SLC35E3: variants seen among roughly 807,000 people sequenced by gnomAD.
SLC35E3 encodes solute carrier family 35 member E3, also known as bladder cancer-overexpressed gene 1 protein.
Under a neutral mutation model 30.8 loss-of-function variants are expected in SLC35E3, and 28 were observed. That is an observed-to-expected ratio of 0.91 (90% CI 0.67 to 1.25). The LOEUF is 1.25. Among genes scored for constraint, SLC35E3 ranks in the 50% most tolerant of loss-of-function variants. SLC35E3 has a pLI of 0.00. For missense variants in SLC35E3, 365 were observed against 375.4 expected (o/e 0.97, Z 0.23); for synonymous variants, 146 against 149.2 (o/e 0.98, Z 0.16).
Position 68,764,789 on chromosome 12 carries a change from G to T in SLC35E3, c.841G>T (p.Ala281Ser). ...LFKDPLSINQ[A>S]LGILCTLFGI... ...TAAGGATCCACTGTCCATTAATCAG[G>T]CCCTTGGCATTTTATGTACATTATT... The change falls in exon 5 of 5, where the codon GCC (alanine) becomes TCC (serine). Residue 281 changes from alanine (A) to serine (S), a missense_variant. Ala to Ser is a moderately conservative substitution (Grantham distance 99, BLOSUM62 1). Coordinates refer to ENST00000398004, the MANE Select transcript of SLC35E3 (RefSeq NM_018656.5). The T allele has an allele frequency of 6.2e-7, 1 of 1,613,992 alleles. No homozygotes were observed. The highest frequency in any genetic ancestry group is 1.3e-5 in the African/African-American group (1 of 74,986).
At position 68,779,530 on chromosome 12, in the gene SLC35E3, A is replaced by C. The variant is rs1280115328; in HGVS notation, c.*14640A>C. ...TGACCCAAAATATGTGGCTGGAACC[A>C]GAAAGGATATAAGCATGGTTTGAGA... On this transcript the variant is annotated 3_prime_UTR_variant, in exon 5 of 5. Transcript: ENST00000398004. The C allele has an allele frequency of 6.6e-6, 1 of 152,210 alleles. No individual in the cohort carries two copies. The highest frequency in any genetic ancestry group is 1.5e-5 in the Non-Finnish European group (1 of 68,040). 9.4% of individuals were successfully genotyped at this position (152,210 alleles called of 1,614,324 possible). A position where few individuals can be genotyped will look rare whatever the true frequency, so the allele number is the denominator to read the frequency against.
Position 68,764,711 on chromosome 12 carries a change from A to G in SLC35E3, c.763A>G (p.Met255Val). The G allele has an allele frequency of 6.2e-7, 1 of 1,613,402 alleles. No homozygotes were observed. Among genetic ancestry groups the G allele is most frequent in the Non-Finnish European group, 8.5e-7 (1 of 1,179,654 alleles). Residue 255 changes from methionine (M) to valine (V), a missense_variant, in exon 5 of 5, where the codon ATG becomes GTG. Met to Val is a conservative substitution (Grantham distance 21, BLOSUM62 1). Transcript: ENST00000398004. ...CTTATCCAAAAACCTCAGCTATAAC[A>G]TGTTCGGACACTTCAAGTTCTGCAT... is the stretch of plus-strand genomic sequence containing the variant. Reference protein sequence around the residue: ...IGNTSPVTYNMFGHFKFCITL... With the variant: ...IGNTSPVTYNVFGHFKFCITL...
At position 68,769,984 on chromosome 12, in the gene SLC35E3, A is replaced by G. The variant is rs554026893; in HGVS notation, c.*5094A>G. On this transcript the variant is annotated 3_prime_UTR_variant, in exon 5 of 5. Coordinates refer to ENST00000398004, the MANE Select transcript of SLC35E3 (RefSeq NM_018656.5). The stretch of plus-strand genomic sequence containing the variant: ...AAACTCAATGAATGCTAAAGGGAAC[A>G]TCGTTCTGTGAGCACATAACAAAAG... 7.9e-5 allele frequency: 12 copies of G among 152,380 alleles called. No individual in the cohort carries two copies. The highest frequency in any genetic ancestry group is 2.9e-4 in the African/African-American group (12 of 41,588). The allele number at this position is 152,380 out of a possible 1,614,324, so 9.4% of individuals were successfully genotyped here.
rs576727698 is a variant in SLC35E3 at position 68,746,899 on chromosome 12, G to A, written c.402+120G>A. ...CTTGAAATCCACAAATGAGTCATCT[G>A]TGGGCATGTGAACTTTTAGGCTTAT... On this transcript the variant is annotated intron_variant, in intron 1 of 4. Transcript: ENST00000398004. 41 of 1,122,376 alleles carry A rather than the reference G, an allele frequency of 3.7e-5. No individual in the cohort carries two copies. The South Asian group carries it at 6.5e-4, about 18-fold the overall frequency. The allele number at this position is 1,122,376 out of a possible 1,614,324, so 69.5% of individuals were successfully genotyped here.
rs61743809 is a variant in SLC35E3, at chr12:68,746,441, C to T, written c.64C>T (p.Leu22=). The T allele has an allele frequency of 5.6e-4, 897 of 1,613,750 alleles. 3 individuals carry two copies. In the African/African-American group the frequency reaches 0.011, roughly 20 times the overall value. Residue 22 remains leucine, a synonymous_variant, in exon 1 of 5, where the codon CTG becomes TTG. Transcript: ENST00000398004. ...AATCGCCGCCGGGCTCCTGTTCAAC[C>T]TGCTGGTGTCCATCTGCATTGTGTT... is the stretch of plus-strand genomic sequence containing the variant. The part of the protein sequence containing the change: ...WRIAAGLLFN[L]LVSICIVFLN...
In SLC35E3 at chr12:68,765,019, G is replaced by A. The variant is rs1052393469; in HGVS notation, c.*129G>A. Reference sequence around the variant, plus strand: ...CGCCTGTAATCCCAGCACTTTGGGAGGCCAAGGCCAGCGGATCACTTGAGG... The same window carrying A: ...CGCCTGTAATCCCAGCACTTTGGGAAGCCAAGGCCAGCGGATCACTTGAGG... On this transcript the variant is annotated 3_prime_UTR_variant, in exon 5 of 5. Transcript: ENST00000398004. 5 of 784,820 alleles carry A rather than the reference G, an allele frequency of 6.4e-6. No homozygotes were observed. The East Asian group carries it at 8.6e-5, about 13-fold the overall frequency. The allele number at this position is 784,820 out of a possible 1,614,324, so 48.6% of individuals were successfully genotyped here.
At chr12:68,764,634 A>C in intron 4 of SLC35E3, 70 bp from the exon 5 acceptor site, 1 of 1,445,688 alleles carries the variant, frequency 6.9e-7, no homozygotes, top group Non-Finnish European at 9.5e-7. Flanking sequence ...TGTTTTATGC[A>C]GTGCGAGTGT....
chr12:68,757,479 C>G (rs1301814213), intron 3 of SLC35E3, among the ~76,000 whole-genome samples: 1 of 152,122 alleles, frequency 6.6e-6, no homozygotes, highest in Non-Finnish European at 1.5e-5. Context: ...TTGAACAGAA[C>G]TTTGTATGTG....
At position 68,771,668 on chromosome 12, in the gene SLC35E3, T is replaced by G. The variant is rs1879604248; in HGVS notation, c.*6778T>G. On this transcript the variant is annotated 3_prime_UTR_variant, in exon 5 of 5. Coordinates refer to ENST00000398004, the MANE Select transcript of SLC35E3 (RefSeq NM_018656.5). ...AACCCTGTCTCTACAAAAAATACAA[T>G]AATTAATAGTTTCGAAAGAAAGAAA... 6.6e-6 allele frequency: 1 copy of G among 151,894 alleles called. No individual in the cohort carries two copies. Among genetic ancestry groups the G allele is most frequent in the Admixed American group, 6.6e-5 (1 of 15,250 alleles). 9.4% of individuals were successfully genotyped at this position (151,894 alleles called of 1,614,324 possible).
rs7956235 is a variant in SLC35E3, at chr12:68,774,938, T to G, written c.*10048T>G. 111,289 of 151,372 alleles carry G rather than the reference T, an allele frequency of 0.74. 41,999 individuals carry two copies. The highest frequency in any genetic ancestry group is 0.89 in the African/African-American group (36,712 of 41,294). 9.4% of individuals were successfully genotyped at this position (151,372 alleles called of 1,614,324 possible). The stretch of plus-strand genomic sequence containing the variant: ...AGGTGGGTGGATCACTTGAGCCCAG[T>G]AGTTTGAGACCAGCCTGGCCAACAC... On this transcript the variant is annotated 3_prime_UTR_variant, in exon 5 of 5. Transcript: ENST00000398004.
At chr12:68,750,100 A>G (rs1878735661) in intron 2 of SLC35E3, among the ~76,000 whole-genome samples, 1 of 151,878 alleles carries the variant, frequency 6.6e-6, no homozygotes, top group African/African-American at 2.4e-5. Context: ...GTTAAAAGGC[A>G]CTCCAGGGGC....
intron 1 of SLC35E3, among the ~76,000 whole-genome samples, chr12:68,746,985 GTAGCTGCCATTTGATGGAAATCGT>G (rs58925490): frequency 5.4e-4 from 83 of 152,358 alleles, no homozygotes; most frequent in African/African-American, 2.0e-3. Flanking sequence ...GTGAATTTTA[GTAGCTGCCATTTGATGGAAATCGT>G]TAAATGCTGT....
chr12:68,746,391 T>C lies in SLC35E3; in HGVS notation c.14T>C (p.Val5Ala). Reference sequence around the variant, plus strand: ...TTCGCGGGGATCATGGCATTGCTGGTGGACCGAGTGCGGGGCCACTGGCGA... The same window carrying C: ...TTCGCGGGGATCATGGCATTGCTGGCGGACCGAGTGCGGGGCCACTGGCGA... MALLVDRVRGHWRIA... is the reference protein window; with the variant it reads MALLADRVRGHWRIA... Residue 5 changes from valine (V) to alanine (A), a missense_variant, in exon 1 of 5, where the codon GTG becomes GCG. Physicochemically the swap from Val to Ala is moderately conservative, Grantham distance 64. Coordinates refer to ENST00000398004, the MANE Select transcript of SLC35E3 (RefSeq NM_018656.5). The C allele has an allele frequency of 6.3e-7, 1 of 1,596,646 alleles. No homozygotes were observed. Among genetic ancestry groups the C allele is most frequent in the South Asian group, 1.1e-5 (1 of 87,938 alleles).
Position 68,774,753 on chromosome 12 carries a change from A to T in SLC35E3, c.*9863A>T, listed in dbSNP as rs1327790746. 1 of 75,498 alleles carries T rather than the reference A, an allele frequency of 1.3e-5. No homozygotes were observed. The highest frequency in any genetic ancestry group is 4.5e-5 in the African/African-American group (1 of 22,310). The allele number at this position is 75,498 out of a possible 1,614,324, so 4.7% of individuals were successfully genotyped here. ...ACCCTGTCTCAAAAACAAACAAAACAAACAAAAATAAGCAAAAAAAAAAAA... is the reference window on the plus strand; with the variant it reads ...ACCCTGTCTCAAAAACAAACAAAACTAACAAAAATAAGCAAAAAAAAAAAA... On this transcript the variant is annotated 3_prime_UTR_variant, in exon 5 of 5. Transcript: ENST00000398004.
chr12:68,757,882 G>A (rs1433986459), intron 3 of SLC35E3, among the ~76,000 whole-genome samples: 1 of 151,862 alleles, frequency 6.6e-6, no homozygotes, highest in Non-Finnish European at 1.5e-5. Flanking sequence ...GAGGTCAGGA[G>A]TTCGAGACCA....
chr12:68,750,324 C>T (rs879142380), intron 2 of SLC35E3, among the ~76,000 whole-genome samples: 5 of 152,134 alleles, frequency 3.3e-5, no homozygotes, highest in Admixed American at 6.5e-5. Context: ...GATGCTCAAG[C>T]GATGAGGGAA....
At position 68,778,271 on chromosome 12, in the gene SLC35E3, A is replaced by C. The variant is rs12810179; in HGVS notation, c.*13381A>C. 42,403 of 151,974 alleles carry C rather than the reference A, an allele frequency of 0.28. 7,317 individuals are homozygous for C. The highest frequency in any genetic ancestry group is 0.54 in the East Asian group (2,804 of 5,158). The allele number at this position is 151,974 out of a possible 1,614,324, so 9.4% of individuals were successfully genotyped here. On this transcript the variant is annotated 3_prime_UTR_variant, in exon 5 of 5. Coordinates refer to ENST00000398004, the MANE Select transcript of SLC35E3 (RefSeq NM_018656.5). ...AGCAATCATGAACAACCCAGAAAAC[A>C]GCATGAAAATTAAAAGGAAAATTGA...
chr12:68,759,929 T>TAA, intron 4 of SLC35E3: 1 of 152,392 alleles, frequency 6.6e-6, no homozygotes. Flanking sequence ...AGTAGAGGAA[T>TAA]GGTTAACAAA....
In SLC35E3 at chr12:68,765,085, T is replaced by C; in HGVS notation, c.*195T>C. 2.4e-6 allele frequency: 1 copy of C among 422,878 alleles called. No homozygotes were observed. The highest frequency in any genetic ancestry group is 3.1e-5 in the South Asian group (1 of 31,872). The allele number at this position is 422,878 out of a possible 1,614,324, so 26.2% of individuals were successfully genotyped here. A position where few individuals can be genotyped will look rare whatever the true frequency, so the allele number is the denominator to read the frequency against. On this transcript the variant is annotated 3_prime_UTR_variant, in exon 5 of 5. Transcript: ENST00000398004. ...CAGCCTGACCAACATGGAGAAACCC[T>C]GTCTCAACTAATAATACAAAATTAG...
Sources: allele counts gnomAD v4.1 joint callset (sites outside exome capture counted in the v4.1 genomes callset), GRCh38; gene constraint gnomAD v4.1.1; transcripts MANE v1.5; gene names NCBI Gene and HGNC (gene_info 2026-07-23, HGNC 2026-07-21).